The following DPH6 variants were observed in gnomAD, a reference collection of about 807,000 sequenced individuals.
The protein encoded by DPH6 is diphthine--ammonia ligase.
Under a neutral mutation model 38.2 loss-of-function variants are expected in DPH6, and 33 were observed. The observed-to-expected ratio is 0.86, with a 90% CI of 0.65 to 1.15. The LOEUF (loss-of-function observed/expected upper bound fraction) is 1.15. Among genes scored for constraint, DPH6 ranks in the 50% most tolerant of loss-of-function variants. The probability of loss-of-function intolerance (pLI) is 0.00; values close to 1 mark genes in which losing one functional copy is unlikely to be tolerated. For synonymous variants in DPH6, 108 were observed against 103.0 expected, an observed-to-expected ratio of 1.05 and a Z score of -0.30; for missense variants, 325 against 320.0, an observed-to-expected ratio of 1.02 and a Z score of -0.12.
intron 3 of DPH6, among the ~76,000 whole-genome samples, chr15:35,486,400 G>C (rs58561054): frequency 6.6e-6 from 1 of 151,762 alleles, no homozygotes; most frequent in Admixed American, 6.6e-5. Context: ...TGATTCACAG[G>C]TCTGCATGGC....
intron 1 of DPH6, among the ~76,000 whole-genome samples, chr15:35,543,995 A>C (rs555158773): frequency 1.3e-5 from 2 of 152,340 alleles, no homozygotes; most frequent in South Asian, 2.1e-4. Context: ...GTTCTGTGGA[A>C]CACTGGTGTC....
At chr15:35,282,106 T>G (rs553263038) in intron 3 of DPH6, among the ~76,000 whole-genome samples, 5 of 152,332 alleles carry the variant, frequency 3.3e-5, no homozygotes, top group South Asian at 4.1e-4. Context: ...TATATAAAAC[T>G]AATTTTCTAG....
chr15:35,327,336 CTT>C (rs376483680), downstream of DPH6, among the ~76,000 whole-genome samples: 69 of 127,760 alleles, frequency 5.4e-4, no homozygotes, highest in African/African-American at 1.5e-3. Context: ...GAAAAGGTTC[CTT>C]TTTTTTTTTT....
intron 5 of DPH6, among the ~76,000 whole-genome samples, chr15:35,436,484 C>CAA (rs1343960472): frequency 1.1e-4 from 4 of 38,004 alleles, no homozygotes; most frequent in African/African-American, 2.1e-4. Context: ...CAAACAAAAA[C>CAA]AAAACAAAAC....
intron 3 of DPH6, among the ~76,000 whole-genome samples, chr15:35,299,815 T>C (rs1280719956): frequency 2.0e-5 from 3 of 152,212 alleles, no homozygotes; most frequent in Admixed American, 6.5e-5. Context: ...AAAGTATTCT[T>C]TTTTGTGCGT....
intron 3 of DPH6, chr15:35,490,254 C>A: frequency 1.1e-6 from 1 of 936,170 alleles, no homozygotes; most frequent in Non-Finnish European, 1.3e-6. Flanking sequence ...AGAAGACAGG[C>A]TGAATTGTCA....
intron 5 of DPH6, among the ~76,000 whole-genome samples, chr15:35,415,565 C>T (rs538649827): frequency 7.2e-5 from 11 of 151,936 alleles, no homozygotes; most frequent in South Asian, 2.1e-4. Flanking sequence ...CTGTATTCCA[C>T]AGTGGATAAA....
chr15:35,469,507 C>T (rs1179109579), intron 3 of DPH6, among the ~76,000 whole-genome samples: 1 of 152,086 alleles, frequency 6.6e-6, no homozygotes, highest in Non-Finnish European at 1.5e-5. Flanking sequence ...AGGGCAGATT[C>T]ATAAGTTTAT....
intron 3 of DPH6, among the ~76,000 whole-genome samples, chr15:35,487,854 A>G (rs1426291400): frequency 2.0e-5 from 3 of 152,180 alleles, no homozygotes; most frequent in Admixed American, 6.6e-5. Flanking sequence ...CCTTTTAAAC[A>G]TAAGTTTCAA....
At chr15:35,171,917 G>A in the DPH6 span, among the ~76,000 whole-genome samples, 1 of 151,546 alleles carries the variant, frequency 6.6e-6, no homozygotes, top group Non-Finnish European at 1.5e-5. Context: ...GCTCAGGCTG[G>A]AGTGCAATGG....
Position 35,371,762 on chromosome 15 carries a change from C to T in DPH6, c.*388G>A. On this transcript the variant is annotated 3_prime_UTR_variant, in exon 9 of 9. Transcript: ENST00000256538. Reference sequence around the variant, plus strand: ...AATAAAGTGACCATCTTTTCATCTTCATTTTCAAATGCCTCTGCATCATGA... The same window carrying T: ...AATAAAGTGACCATCTTTTCATCTTTATTTTCAAATGCCTCTGCATCATGA... 1.0e-6 allele frequency: 1 copy of T among 989,030 alleles called. No homozygotes were observed. The highest frequency in any genetic ancestry group is 1.2e-6 in the Non-Finnish European group (1 of 832,652). 61.3% of individuals were successfully genotyped at this position (989,030 alleles called of 1,614,324 possible).
the DPH6 span, among the ~76,000 whole-genome samples, chr15:35,192,274 G>C: frequency 6.6e-6 from 1 of 152,046 alleles, no homozygotes; most frequent in Non-Finnish European, 1.5e-5. Context: ...GTAATAGAAG[G>C]GAATAATAGT....
At chr15:35,542,962 ATAT>A (rs2055281676) in intron 1 of DPH6, among the ~76,000 whole-genome samples, 3 of 125,072 alleles carry the variant, frequency 2.4e-5, no homozygotes, top group South Asian at 2.7e-4. Context: ...ATATATATAT[ATAT>A]AAAATAATTT....
intron 3 of DPH6, among the ~76,000 whole-genome samples, chr15:35,308,653 A>G (rs1397573920): frequency 6.6e-6 from 1 of 152,224 alleles, no homozygotes; most frequent in East Asian, 1.9e-4. Flanking sequence ...TCTTCTTTAT[A>G]TGCCATAAAC....
chr15:35,219,129 C>T (rs2051427368), exon 4 of DPH6: 1 of 152,140 alleles, frequency 6.6e-6, no homozygotes, highest in Non-Finnish European at 1.5e-5. Flanking sequence ...GTCTTCTCTT[C>T]CGTAATGTGG....
intron 3 of DPH6, among the ~76,000 whole-genome samples, chr15:35,225,706 A>G (rs1341415314): frequency 2.0e-5 from 3 of 152,206 alleles, no homozygotes; most frequent in African/African-American, 4.8e-5. Flanking sequence ...TGAAACAAAG[A>G]TCCAGGTACT....
chr15:35,310,569 G>T (rs2052132400), intron 3 of DPH6, among the ~76,000 whole-genome samples: 1 of 152,048 alleles, frequency 6.6e-6, no homozygotes, highest in African/African-American at 2.4e-5. Flanking sequence ...AAACAGGACA[G>T]GACATAATAA....
At chr15:35,496,759 C>T (rs1475295724) in intron 3 of DPH6, among the ~76,000 whole-genome samples, 3 of 151,400 alleles carry the variant, frequency 2.0e-5, no homozygotes, top group Non-Finnish European at 4.4e-5. Context: ...CATAACAGTA[C>T]ATAACACCAG....
intron 3 of DPH6, among the ~76,000 whole-genome samples, chr15:35,471,824 G>C (rs2054202180): frequency 8.2e-6 from 1 of 121,662 alleles, no homozygotes; most frequent in African/African-American, 4.2e-5. Flanking sequence ...CTTTACACAT[G>C]TTATTTTCTA....
Sources: gnomAD v4.1 joint callset for allele counts (sites outside exome capture counted in the v4.1 genomes callset) on GRCh38, gnomAD v4.1.1 for gene constraint, MANE v1.5 for transcripts, NCBI Gene and HGNC (gene_info 2026-07-23, HGNC 2026-07-21) for gene names.